NEGR1: variants seen among roughly 807,000 people sequenced by gnomAD.
NEGR1 encodes neuronal growth regulator 1, also known as IgLON family member 4.
Under a neutral mutation model 40.9 loss-of-function variants are expected in NEGR1, and 10 were observed. The ratio of observed to expected loss-of-function variants is 0.24; its 90% CI spans 0.15 to 0.42. The LOEUF is 0.42. NEGR1 is among the 10% of genes least tolerant of loss of function. The probability of loss-of-function intolerance (pLI) is 1.00; values close to 1 mark genes in which losing one functional copy is unlikely to be tolerated. For synonymous variants in NEGR1, 185 were observed against 166.8 expected (o/e 1.11, Z -0.84); for missense variants, 352 against 438.9 (o/e 0.80, Z 1.77).
At chr1:71,558,218 C>T (rs1402170318) in intron 6 of NEGR1, among the ~76,000 whole-genome samples, 1 of 151,478 alleles carries the variant, frequency 6.6e-6, no homozygotes, top group African/African-American at 2.4e-5. Context: ...CTCAGAACAT[C>T]CCCACACTCA....
At chr1:72,057,240 C>T (rs1647119161) in intron 1 of NEGR1, among the ~76,000 whole-genome samples, 2 of 151,496 alleles carry the variant, frequency 1.3e-5, no homozygotes, top group South Asian at 2.1e-4. Flanking sequence ...AAGGAAACTC[C>T]TTGTTAAATT....
At chr1:71,517,709 G>C (rs1343881257) in intron 6 of NEGR1, among the ~76,000 whole-genome samples, 1 of 112,304 alleles carries the variant, frequency 8.9e-6, no homozygotes, top group East Asian at 2.7e-4. Context: ...TCAACATAGT[G>C]TTGGAAGTTC....
chr1:72,243,589 A>T (rs1654815954), intron 1 of NEGR1, among the ~76,000 whole-genome samples: 1 of 151,728 alleles, frequency 6.6e-6, no homozygotes, highest in African/African-American at 2.4e-5. Flanking sequence ...CTGTCCAACC[A>T]GTCTTGATAT....
intron 4 of NEGR1, among the ~76,000 whole-genome samples, chr1:71,681,949 C>T (rs1241076922): frequency 4.6e-5 from 7 of 152,154 alleles, no homozygotes; most frequent in Admixed American, 2.6e-4. Flanking sequence ...GCCACAGCCT[C>T]TCAAGAAGCT....
At chr1:71,409,652 C>T (rs138393421) in intron 6 of NEGR1, among the ~76,000 whole-genome samples, 2,187 of 152,122 alleles carry the variant, frequency 0.014, 37 homozygotes, top group South Asian at 0.075. Flanking sequence ...TATTTGTTTA[C>T]ATATTCATTT....
intron 3 of NEGR1, among the ~76,000 whole-genome samples, chr1:71,775,268 C>T (rs1270714953): frequency 3.3e-5 from 5 of 151,688 alleles, no homozygotes; most frequent in South Asian, 2.1e-4. Context: ...ATCCAGCATA[C>T]GAAAGAGAAA....
chr1:71,707,430 G>A lies in NEGR1; in HGVS notation c.536-9291C>T, dbSNP rs577104020. Among the ~76,000 whole-genome samples, 320 of 152,306 alleles carry A rather than the reference G, an allele frequency of 2.1e-3. 1 individual carries two copies. Among genetic ancestry groups the A allele is most frequent in the African/African-American group, 7.4e-3 (309 of 41,578 alleles). On this transcript the variant is annotated intron_variant, in intron 3 of 6. Transcript: ENST00000357731. Reference sequence around the variant, plus strand: ...CTCCTCTGCCTTTGGAAAGGGGAGGGAAGAGTGGGAAGAACTGTGTCTTTC... The same window carrying A: ...CTCCTCTGCCTTTGGAAAGGGGAGGAAAGAGTGGGAAGAACTGTGTCTTTC...
chr1:72,155,438 A>C (rs1164000186), intron 1 of NEGR1, among the ~76,000 whole-genome samples: 1 of 152,036 alleles, frequency 6.6e-6, no homozygotes, highest in Non-Finnish European at 1.5e-5. Context: ...GAAATAATTA[A>C]CATTTTGGCA....
chr1:72,181,624 C>T (rs1417556630), intron 1 of NEGR1, among the ~76,000 whole-genome samples: 1 of 152,108 alleles, frequency 6.6e-6, no homozygotes, highest in Non-Finnish European at 1.5e-5. Flanking sequence ...ACTGCATTAA[C>T]ATGTTCATTC....
At chr1:72,259,997 A>C (rs1655403371) in intron 1 of NEGR1, among the ~76,000 whole-genome samples, 1 of 152,104 alleles carries the variant, frequency 6.6e-6, no homozygotes, top group Non-Finnish European at 1.5e-5. Context: ...CAGCTGAAAT[A>C]TAACTTTAAA....
At chr1:71,416,424 G>A (rs1484580075) in intron 6 of NEGR1, among the ~76,000 whole-genome samples, 2 of 152,064 alleles carry the variant, frequency 1.3e-5, no homozygotes, top group African/African-American at 2.4e-5. Flanking sequence ...CATAAGCTTT[G>A]ATCATTTCCA....
intron 4 of NEGR1, among the ~76,000 whole-genome samples, chr1:71,631,933 C>A (rs921576249): frequency 1.3e-5 from 2 of 151,678 alleles, no homozygotes; most frequent in African/African-American, 4.8e-5. Context: ...AGAATCTTAA[C>A]TTCCAGATGC....
intron 1 of NEGR1, among the ~76,000 whole-genome samples, chr1:72,059,503 A>C (rs866255591): frequency 9.9e-5 from 15 of 151,654 alleles, no homozygotes; most frequent in Non-Finnish European, 1.0e-4. Context: ...CTTATGATTA[A>C]TAATTGTTTG....
intron 1 of NEGR1, among the ~76,000 whole-genome samples, chr1:71,949,667 T>C (rs1646051666): frequency 6.6e-6 from 1 of 152,084 alleles, no homozygotes; most frequent in Admixed American, 6.6e-5. Context: ...AGAACTTTTG[T>C]TTCAAATTAT....
At chr1:71,458,124 T>C (rs1646687507) in intron 6 of NEGR1, among the ~76,000 whole-genome samples, 1 of 152,220 alleles carries the variant, frequency 6.6e-6, no homozygotes, top group Non-Finnish European at 1.5e-5. Context: ...CTTTTCCTTG[T>C]ACCACATTGC....
At chr1:71,949,415 G>A (rs1263788419) in intron 1 of NEGR1, among the ~76,000 whole-genome samples, 1 of 152,074 alleles carries the variant, frequency 6.6e-6, no homozygotes, top group Non-Finnish European at 1.5e-5. Context: ...CTGCTAAACT[G>A]TACAAGACTC....
chr1:72,231,040 T>C (rs1481321190), intron 1 of NEGR1, among the ~76,000 whole-genome samples: 3 of 152,300 alleles, frequency 2.0e-5, no homozygotes, highest in Non-Finnish European at 4.4e-5. Context: ...ATGATTCATG[T>C]CCTGCCTAGA....
At chr1:71,884,846 G>C (rs549977700) in intron 2 of NEGR1, among the ~76,000 whole-genome samples, 1 of 152,250 alleles carries the variant, frequency 6.6e-6, no homozygotes, top group East Asian at 1.9e-4. Context: ...GGCTGTACTT[G>C]TTTTTGATCT....
intron 1 of NEGR1, among the ~76,000 whole-genome samples, chr1:72,114,776 T>C (rs932788636): frequency 2.6e-5 from 4 of 151,816 alleles, no homozygotes; most frequent in African/African-American, 7.2e-5. Flanking sequence ...CCCTTTTATC[T>C]AATTGATTCC....
Sources: gnomAD v4.1 joint callset for allele counts (sites outside exome capture counted in the v4.1 genomes callset) on GRCh38, gnomAD v4.1.1 for gene constraint, MANE v1.5 for transcripts, NCBI Gene and HGNC (gene_info 2026-07-23, HGNC 2026-07-21) for gene names.